TECRL: variants seen among roughly 807,000 people sequenced by gnomAD.
TECRL encodes trans-2,3-enoyl-CoA reductase like.
Under a neutral mutation model 52.8 loss-of-function variants are expected in TECRL, and 63 were observed. The observed-to-expected ratio is 1.19, with a 90% CI of 0.97 to 1.47. The LOEUF is 1.47. Among genes scored for constraint, TECRL ranks in the 40% most tolerant of loss-of-function variants. The pLI, the probability that TECRL is intolerant of heterozygous loss-of-function variation, is 0.00. For synonymous variants in TECRL, 164 were observed against 141.9 expected (o/e 1.16, Z -1.10); for missense variants, 482 against 429.6 (o/e 1.12, Z -1.08).
intron 2 of TECRL, among the ~76,000 whole-genome samples, chr4:64,350,122 T>C (rs902556487): frequency 1.3e-5 from 2 of 152,126 alleles, no homozygotes; most frequent in Admixed American, 6.5e-5. Context: ...TAAAAAGTTA[T>C]CAATGTCCCA....
chr4:64,389,937 C>A (rs1723432248), intron 1 of TECRL, among the ~76,000 whole-genome samples: 1 of 151,746 alleles, frequency 6.6e-6, no homozygotes, highest in Admixed American at 6.6e-5. Flanking sequence ...TTTGCTTCAG[C>A]CAATGGAATA....
chr4:64,357,431 T>TA (rs923114938), intron 2 of TECRL, among the ~76,000 whole-genome samples: 3 of 151,552 alleles, frequency 2.0e-5, no homozygotes, highest in South Asian at 2.1e-4. Context: ...AATTATCAGG[T>TA]AAAAAAATGG....
At chr4:64,336,318 C>A (rs1719078764) in intron 2 of TECRL, among the ~76,000 whole-genome samples, 1 of 152,152 alleles carries the variant, frequency 6.6e-6, no homozygotes, top group Non-Finnish European at 1.5e-5. Flanking sequence ...TTATAGTATT[C>A]TCTGATGGTA....
intron 1 of TECRL, among the ~76,000 whole-genome samples, chr4:64,385,181 A>G (rs769720036): frequency 6.6e-6 from 1 of 152,066 alleles, no homozygotes; most frequent in Non-Finnish European, 1.5e-5. Context: ...CAGGCCCCTG[A>G]TAGTTCCCAG....
At chr4:64,374,515 C>T (rs1293495397) in intron 2 of TECRL, among the ~76,000 whole-genome samples, 2 of 151,822 alleles carry the variant, frequency 1.3e-5, no homozygotes, top group Non-Finnish European at 2.9e-5. Flanking sequence ...CACCCATTAA[C>T]CCGTCATTTA....
chr4:64,323,378 C>A (rs1718039064), intron 3 of TECRL, among the ~76,000 whole-genome samples: 1 of 151,838 alleles, frequency 6.6e-6, no homozygotes, highest in African/African-American at 2.4e-5. Flanking sequence ...GTCTGGGCGA[C>A]AAAGAGACCC....
chr4:64,340,462 A>C (rs1719483336), intron 2 of TECRL, among the ~76,000 whole-genome samples: 2 of 152,190 alleles, frequency 1.3e-5, no homozygotes, highest in Non-Finnish European at 2.9e-5. Context: ...TTCAGAGCAA[A>C]GTTGGGACCA....
chr4:64,304,601 C>G (rs1577836640), intron 7 of TECRL, among the ~76,000 whole-genome samples: 4 of 151,884 alleles, frequency 2.6e-5, no homozygotes, highest in African/African-American at 9.7e-5. Context: ...GAGAAAAGTC[C>G]ACATTGAAGG....
chr4:64,283,502 T>G (rs940373439), intron 9 of TECRL, among the ~76,000 whole-genome samples: 18 of 152,210 alleles, frequency 1.2e-4, no homozygotes, highest in African/African-American at 4.3e-4. Context: ...GGTATATTGT[T>G]ATGTTATAGT....
chr4:64,309,353 T>G (rs568148797), intron 6 of TECRL, among the ~76,000 whole-genome samples: 2 of 152,280 alleles, frequency 1.3e-5, no homozygotes, highest in Admixed American at 1.3e-4. Flanking sequence ...TTTTACATAT[T>G]TTTTCATGTT....
Position 64,280,151 on chromosome 4 carries a change from T to G in TECRL, c.1013A>C (p.Gln338Pro), listed in dbSNP as rs758477637. The G allele has an allele frequency of 6.9e-6, 11 of 1,603,284 alleles. No homozygotes were observed. In the African/African-American group the frequency reaches 1.3e-4, roughly 20 times the overall value. Residue 338 changes from glutamine to proline, a missense_variant, in exon 12 of 12, where the codon CAA (glutamine) becomes CCA (proline). By Grantham distance (76) the Gln-to-Pro change is moderately conservative. Transcript: ENST00000381210. ...TCTCAGATAAATCTTATGTTTCTTT[T>G]GTGCCCACAAAGACATCTGGATACT... Reference protein sequence around the residue: ...LMSIQMSLWAQKKHKIYLRKF... With the variant: ...LMSIQMSLWAPKKHKIYLRKF...
chr4:64,314,606 TG>T (rs768763665), intron 5 of TECRL, 41 bp downstream of exon 5: 4 of 836,630 alleles, frequency 4.8e-6, no homozygotes, highest in East Asian at 2.6e-5. Context: ...TGTGTGTGTG[TG>T]TGTGTGTGTG....
chr4:64,322,675 A>T lies in TECRL; in HGVS notation c.435+14T>A, dbSNP rs772341751. On this transcript the variant is annotated intron_variant, in intron 4 of 11. Transcript: ENST00000381210. ...ATATGAGAAATGTATATTACATTTC[A>T]AATTAACACTTACTGTGGTCCAACT... The T allele has an allele frequency of 6.4e-7, 1 of 1,553,580 alleles. No individual in the cohort carries two copies.
chr4:64,284,043 T>C (rs73228558), intron 9 of TECRL, among the ~76,000 whole-genome samples: 1,771 of 152,154 alleles, frequency 0.012, 45 homozygotes, highest in African/African-American at 0.04. Flanking sequence ...CTACCCAGCA[T>C]GAACCAACAA....
At chr4:64,398,026 T>C (rs2109769915) in intron 1 of TECRL, among the ~76,000 whole-genome samples, 1 of 87,344 alleles carries the variant, frequency 1.1e-5, no homozygotes, top group East Asian at 3.9e-4. Flanking sequence ...ACACATATAT[T>C]AAAAAGTAAT....
At chr4:64,330,727 C>A (rs1158871135) in intron 2 of TECRL, among the ~76,000 whole-genome samples, 1 of 152,014 alleles carries the variant, frequency 6.6e-6, no homozygotes, top group Non-Finnish European at 1.5e-5. Flanking sequence ...TAGACTATAG[C>A]TGATCCTCCC....
intron 8 of TECRL, among the ~76,000 whole-genome samples, chr4:64,292,428 T>C (rs1723443489): frequency 1.3e-5 from 2 of 151,958 alleles, no homozygotes; most frequent in Non-Finnish European, 2.9e-5. Context: ...ATGTTCAAGA[T>C]ATTCTAGACA....
intron 2 of TECRL, among the ~76,000 whole-genome samples, chr4:64,356,081 G>T (rs1720749144): frequency 6.6e-6 from 1 of 152,100 alleles, no homozygotes; most frequent in African/African-American, 2.4e-5. Flanking sequence ...TGCAGGATGT[G>T]CCTTGTTAAC....
intron 2 of TECRL, among the ~76,000 whole-genome samples, chr4:64,339,772 A>G (rs1719419244): frequency 6.6e-6 from 1 of 152,112 alleles, no homozygotes; most frequent in Non-Finnish European, 1.5e-5. Context: ...CTTACTTCTT[A>G]TAATCACCAT....
Sources: allele counts gnomAD v4.1 joint callset (sites outside exome capture counted in the v4.1 genomes callset), GRCh38; gene constraint gnomAD v4.1.1; transcripts MANE v1.5; gene names NCBI Gene and HGNC (gene_info 2026-07-23, HGNC 2026-07-21).